The following RARB variants were observed in gnomAD, a reference collection of about 807,000 sequenced individuals.
RARB encodes HBV-activated protein.
RARB carries 17 observed loss-of-function variants against 51.9 expected under a neutral mutation model. That is an observed-to-expected ratio of 0.33 (90% CI 0.22 to 0.49). RARB has a LOEUF of 0.49. Among genes scored for constraint, RARB ranks in the 20% least tolerant of loss-of-function variants. The probability of loss-of-function intolerance (pLI) is 0.99; values close to 1 mark genes in which losing one functional copy is unlikely to be tolerated. For synonymous variants in RARB, 215 were observed against 195.4 expected, an observed-to-expected ratio of 1.10 and a Z score of -0.84; for missense variants, 369 against 550.8, an observed-to-expected ratio of 0.67 and a Z score of 3.30.
intron 4 of RARB, among the ~76,000 whole-genome samples, chr3:25,135,834 A>C (rs1700024665): frequency 6.6e-6 from 1 of 152,022 alleles, no homozygotes; most frequent in South Asian, 2.1e-4. Context: ...CAAAAAGCTC[A>C]ACTTAGGGCA....
chr3:25,332,943 A>C (rs140416195), intron 5 of RARB, among the ~76,000 whole-genome samples: 5,964 of 152,274 alleles, frequency 0.039, 160 homozygotes, highest in Middle Eastern at 0.065. Flanking sequence ...CAAAGAGAAT[A>C]AAATACCTAG....
At chr3:25,199,998 C>A (rs553091573) in intron 5 of RARB, among the ~76,000 whole-genome samples, 1 of 152,144 alleles carries the variant, frequency 6.6e-6, no homozygotes. Flanking sequence ...ATTTCTAGTT[C>A]TAGATCCCTG....
intron 5 of RARB, among the ~76,000 whole-genome samples, chr3:25,327,645 G>T (rs1559358788): frequency 6.6e-6 from 1 of 152,128 alleles, no homozygotes; most frequent in Non-Finnish European, 1.5e-5. Context: ...ACCAGATTAG[G>T]CAGTTAACTC....
At chr3:25,489,104 A>G (rs1219755695) in intron 2 of RARB, among the ~76,000 whole-genome samples, 1 of 152,254 alleles carries the variant, frequency 6.6e-6, no homozygotes, top group Non-Finnish European at 1.5e-5. Context: ...CAGCAGCTCC[A>G]GGAGTGTATT....
intron 4 of RARB, among the ~76,000 whole-genome samples, chr3:25,154,744 G>T (rs1700346816): frequency 6.6e-6 from 1 of 151,984 alleles, no homozygotes; most frequent in South Asian, 2.1e-4. Flanking sequence ...TCTATATTTT[G>T]TGCAGAAGGC....
intron 2 of RARB, among the ~76,000 whole-genome samples, chr3:24,989,125 C>T (rs1174924676): frequency 6.6e-6 from 1 of 152,214 alleles, no homozygotes; most frequent in Non-Finnish European, 1.5e-5. Flanking sequence ...CGCACCCGGC[C>T]CACTTATTGT....
chr3:25,337,452 A>G (rs1705096503), intron 5 of RARB, among the ~76,000 whole-genome samples: 1 of 152,194 alleles, frequency 6.6e-6, no homozygotes, highest in Non-Finnish European at 1.5e-5. Flanking sequence ...GGCTTTACCA[A>G]TAGCTACATT....
intron 2 of RARB, among the ~76,000 whole-genome samples, chr3:25,015,150 G>A (rs181264415): frequency 1.3e-5 from 2 of 152,214 alleles, no homozygotes; most frequent in East Asian, 3.9e-4. Context: ...CTGAAGAATT[G>A]AGGTTCTGTA....
At chr3:25,595,824 CCT>C (rs1223104033) in intron 7 of RARB, among the ~76,000 whole-genome samples, 11 of 152,174 alleles carry the variant, frequency 7.2e-5, no homozygotes, top group Admixed American at 5.9e-4. Flanking sequence ...ATCGTGAACT[CCT>C]CTGTTTGTGG....
intron 2 of RARB, among the ~76,000 whole-genome samples, chr3:25,022,210 G>C (rs1909520): frequency 0.4 from 60,851 of 152,010 alleles, 12,907 homozygotes; most frequent in Admixed American, 0.54. Flanking sequence ...AACAGAACGT[G>C]ACCAGCATCT....
chr3:25,575,601 G>C (rs892876608), intron 4 of RARB, among the ~76,000 whole-genome samples: 2 of 152,022 alleles, frequency 1.3e-5, no homozygotes, highest in Non-Finnish European at 2.9e-5. Flanking sequence ...CCAATCCTCC[G>C]TCTTCTCATG....
chr3:25,486,537 G>A (rs970065825), intron 2 of RARB, among the ~76,000 whole-genome samples: 2 of 152,154 alleles, frequency 1.3e-5, no homozygotes, highest in African/African-American at 4.8e-5. Flanking sequence ...TGCCAGGCAA[G>A]GTGCTGGATT....
At chr3:25,574,768 A>G (rs2125295544) in intron 4 of RARB, among the ~76,000 whole-genome samples, 1 of 152,322 alleles carries the variant, frequency 6.6e-6, no homozygotes, top group South Asian at 2.1e-4. Context: ...ATAGAAAAGG[A>G]AGGCTGTTTT....
At chr3:25,126,282 C>A (rs1699858178) in intron 3 of RARB, among the ~76,000 whole-genome samples, 1 of 152,078 alleles carries the variant, frequency 6.6e-6, no homozygotes, top group Admixed American at 6.6e-5. Flanking sequence ...AGCCTGGTAA[C>A]CAGATTTGTG....
chr3:25,394,557 A>C (rs1707064156), intron 5 of RARB, among the ~76,000 whole-genome samples: 1 of 152,084 alleles, frequency 6.6e-6, no homozygotes, highest in African/African-American at 2.4e-5. Context: ...TCTAGTCTTA[A>C]TTGTTTTATA....
At chr3:25,359,980 A>G (rs1287170563) in intron 5 of RARB, among the ~76,000 whole-genome samples, 1 of 152,136 alleles carries the variant, frequency 6.6e-6, no homozygotes, top group Non-Finnish European at 1.5e-5. Context: ...TTCCATAGAC[A>G]TCTACTAGGT....
chr3:25,272,273 C>G (rs137943661), intron 5 of RARB, among the ~76,000 whole-genome samples: 2 of 152,232 alleles, frequency 1.3e-5, no homozygotes, highest in African/African-American at 2.4e-5. Context: ...CACTTTTACA[C>G]CAACAAAGCC....
chr3:25,058,229 C>T (rs530752378), intron 2 of RARB, among the ~76,000 whole-genome samples: 119 of 151,914 alleles, frequency 7.8e-4, no homozygotes, highest in African/African-American at 2.7e-3. Context: ...GGTTAACTTT[C>T]CCTCAGTCAT....
At chr3:25,311,788 G>A (rs566047606) in intron 5 of RARB, among the ~76,000 whole-genome samples, 48 of 152,284 alleles carry the variant, frequency 3.2e-4, no homozygotes, top group African/African-American at 1.1e-3. Flanking sequence ...GGGCACATAT[G>A]GTACATAGAC....
Sources: gnomAD v4.1 joint callset for allele counts (sites outside exome capture counted in the v4.1 genomes callset) on GRCh38, gnomAD v4.1.1 for gene constraint, MANE v1.5 for transcripts, NCBI Gene and HGNC (gene_info 2026-07-23, HGNC 2026-07-21) for gene names.